The following KLHL1 variants were observed in gnomAD, a reference collection of about 807,000 sequenced individuals.
KLHL1 encodes the protein kelch-like protein 1.
In KLHL1, 47 loss-of-function variants were observed where a neutral mutation model predicts 77.7. The observed-to-expected ratio is 0.60, with a 90% CI of 0.48 to 0.77. The LOEUF (loss-of-function observed/expected upper bound fraction) is 0.77, where lower values mean the gene tolerates loss of function less well. Among genes scored for constraint, KLHL1 ranks in the 30% least tolerant of loss-of-function variants. KLHL1 has a pLI of 0.00. For missense variants in KLHL1, 925 were observed against 910.8 expected (o/e 1.02, Z -0.20); for synonymous variants, 360 against 325.2 (o/e 1.11, Z -1.15).
At chr13:70,048,567 A>G (rs530110428) in intron 1 of KLHL1, among the ~76,000 whole-genome samples, 11 of 152,302 alleles carry the variant, frequency 7.2e-5, no homozygotes, top group Admixed American at 5.2e-4. Context: ...CAATTTTTCC[A>G]CAGATGGCAG....
intron 7 of KLHL1, among the ~76,000 whole-genome samples, chr13:69,782,180 G>A (rs1266477313): frequency 5.3e-5 from 8 of 152,182 alleles, no homozygotes; most frequent in African/African-American, 1.7e-4. Flanking sequence ...AGTATTGGCT[G>A]GGGAGTCAAG....
chr13:70,095,906 T>C (rs1225210684), intron 1 of KLHL1, among the ~76,000 whole-genome samples: 1 of 150,772 alleles, frequency 6.6e-6, no homozygotes, highest in South Asian at 2.1e-4. Context: ...CATGAGTTCA[T>C]TTTTTTTTAG....
intron 7 of KLHL1, among the ~76,000 whole-genome samples, chr13:69,748,462 CACTACCATGAGAACAACATGGGGGAA>C (rs1874318419): frequency 6.6e-6 from 1 of 151,996 alleles, no homozygotes; most frequent in East Asian, 1.9e-4. Flanking sequence ...GAGACTTATT[CACTACCATGAGAACAACATGGGGGAA>C]ACCGCCCCCA....
chr13:69,859,611 G>T (rs892193034), intron 5 of KLHL1, among the ~76,000 whole-genome samples: 2 of 152,024 alleles, frequency 1.3e-5, no homozygotes, highest in Non-Finnish European at 2.9e-5. Context: ...CAATGTGAAT[G>T]AATTATTGTA....
At position 69,939,378 on chromosome 13, in the gene KLHL1, T is replaced by TACACACAC. The variant is rs1555283223; in HGVS notation, c.1014+654_1014+661dup. ...ATATATATATATATATATATATATA[T>TACACACAC]ACACACACACACGCACACACATACA... On this transcript the variant is annotated intron_variant, in intron 4 of 10. Transcript: ENST00000377844. Among the ~76,000 whole-genome samples, 202 of 70,788 alleles carry TACACACAC rather than the reference T, an allele frequency of 2.9e-3. 6 individuals are homozygous for TACACACAC. Among genetic ancestry groups the TACACACAC allele is most frequent in the African/African-American group, 9.8e-3 (154 of 15,744 alleles). 46.4% of individuals were successfully genotyped at this position (70,788 alleles called of 152,430 possible).
intron 1 of KLHL1, among the ~76,000 whole-genome samples, chr13:70,033,593 A>T (rs1593690952): frequency 8.4e-6 from 1 of 118,866 alleles, no homozygotes; most frequent in Non-Finnish European, 1.7e-5. Flanking sequence ...GGTGTGAGTC[A>T]CCGCAACTGG....
At chr13:69,966,434 G>A (rs1427729675) in intron 2 of KLHL1, among the ~76,000 whole-genome samples, 1 of 152,114 alleles carries the variant, frequency 6.6e-6, no homozygotes, top group Non-Finnish European at 1.5e-5. Context: ...ATCCACAGTT[G>A]AGACTTACTA....
At chr13:70,080,603 T>C (rs760352118) in intron 1 of KLHL1, among the ~76,000 whole-genome samples, 1 of 152,128 alleles carries the variant, frequency 6.6e-6, no homozygotes, top group Non-Finnish European at 1.5e-5. Flanking sequence ...CTTTGTTTTA[T>C]TTTATCATTT....
chr13:70,008,181 T>G (rs1007887628), intron 1 of KLHL1, among the ~76,000 whole-genome samples: 22 of 152,190 alleles, frequency 1.4e-4, no homozygotes, highest in African/African-American at 4.6e-4. Context: ...TGTATTTTAA[T>G]TTTCTTGTAA....
chr13:69,977,832 G>A (rs954836962), intron 1 of KLHL1, among the ~76,000 whole-genome samples: 5 of 152,076 alleles, frequency 3.3e-5, no homozygotes, highest in African/African-American at 9.7e-5. Flanking sequence ...AAGAAAATAC[G>A]TAATTGATAT....
chr13:69,909,573 C>T (rs1206359492), intron 4 of KLHL1, among the ~76,000 whole-genome samples: 1 of 151,872 alleles, frequency 6.6e-6, no homozygotes, highest in Non-Finnish European at 1.5e-5. Context: ...GATATTTTCT[C>T]ATTACCTTCC....
intron 7 of KLHL1, among the ~76,000 whole-genome samples, chr13:69,740,847 G>A (rs536876185): frequency 6.6e-6 from 1 of 152,098 alleles, no homozygotes; most frequent in Admixed American, 6.6e-5. Flanking sequence ...AAAATTGGGA[G>A]CCAAAAATAG....
intron 1 of KLHL1, among the ~76,000 whole-genome samples, chr13:70,024,930 G>C (rs1356209828): frequency 1.3e-5 from 2 of 151,798 alleles, no homozygotes; most frequent in Non-Finnish European, 2.9e-5. Flanking sequence ...ACAATCCCAG[G>C]AATAATAATA....
intron 1 of KLHL1, among the ~76,000 whole-genome samples, chr13:70,095,700 CT>C (rs1461964002): frequency 6.6e-6 from 1 of 152,056 alleles, no homozygotes; most frequent in Non-Finnish European, 1.5e-5. Flanking sequence ...CAATTCCACT[CT>C]TTTAGTTATT....
chr13:69,710,733 A>G (rs1875835667), intron 9 of KLHL1, among the ~76,000 whole-genome samples: 1 of 152,058 alleles, frequency 6.6e-6, no homozygotes, highest in Non-Finnish European at 1.5e-5. Context: ...GAACTCTGTC[A>G]TTTTCAGGTT....
chr13:69,973,317 A>G (rs1226645166), intron 2 of KLHL1, among the ~76,000 whole-genome samples: 1 of 151,844 alleles, frequency 6.6e-6, no homozygotes, highest in African/African-American at 2.4e-5. Flanking sequence ...CTAAAAATAA[A>G]ATTTATTTGA....
At chr13:70,003,644 T>G (rs999679029) in intron 1 of KLHL1, among the ~76,000 whole-genome samples, 1 of 151,818 alleles carries the variant, frequency 6.6e-6, no homozygotes, top group African/African-American at 2.4e-5. Context: ...TGAAACAATA[T>G]TTAATTTTTA....
intron 4 of KLHL1, among the ~76,000 whole-genome samples, chr13:69,902,263 T>C (rs1285992953): frequency 6.6e-6 from 1 of 152,188 alleles, no homozygotes; most frequent in Non-Finnish European, 1.5e-5. Flanking sequence ...TTCATGTTTG[T>C]TCAACATGGG....
rs145914955 is a variant in KLHL1, at chr13:70,025,618, A to T, written c.498-49816T>A. ...AAGCTAAGAAAAAGTAAATTAGGAG[A>T]TGCTATCTGAATTCAGAACATAGTC... is the stretch of plus-strand genomic sequence containing the variant. On this transcript the variant is annotated intron_variant, in intron 1 of 10. Coordinates refer to ENST00000377844, the MANE Select transcript of KLHL1 (RefSeq NM_020866.3). 2.4e-3 allele frequency among the ~76,000 whole-genome samples: 366 copies of T among 151,766 alleles called. 1 individual carries two copies. Among genetic ancestry groups the T allele is most frequent in the African/African-American group, 8.2e-3 (341 of 41,434 alleles).
Sources: allele counts gnomAD v4.1 joint callset (sites outside exome capture counted in the v4.1 genomes callset), GRCh38; gene constraint gnomAD v4.1.1; transcripts MANE v1.5; gene names NCBI Gene and HGNC (gene_info 2026-07-23, HGNC 2026-07-21).